UBR2: variants seen among roughly 807,000 people sequenced by gnomAD.
UBR2 encodes E3 ubiquitin-protein ligase UBR2.
In UBR2, 92 loss-of-function variants were observed where a neutral mutation model predicts 247.9. The observed-to-expected ratio is 0.37, with a 90% confidence interval of 0.31 to 0.44. The LOEUF is 0.44. UBR2 is among the 20% of genes least tolerant of loss of function. The pLI is 1.00. For missense variants in UBR2, 1,613 were observed against 2,112.6 expected (o/e 0.76, Z 4.64); for synonymous variants, 672 against 693.5 (o/e 0.97, Z 0.49).
intron 28 of UBR2, 84 bp downstream of exon 28, chr6:42,658,404 C>A: frequency 7.7e-7 from 1 of 1,296,574 alleles, no homozygotes; most frequent in Non-Finnish European, 1.1e-6. Flanking sequence ...CATTAAGTTG[C>A]CAGTTACTCA....
intron 43 of UBR2, 71 bp from the exon 44 acceptor site, chr6:42,684,723 C>T (rs1799273768): frequency 1.7e-6 from 2 of 1,173,962 alleles, no homozygotes; most frequent in East Asian, 4.9e-5. Flanking sequence ...GGTATGTGCA[C>T]ATGGAAGTGC....
At chr6:42,577,603 T>A (rs928085232) in intron 2 of UBR2, among the ~76,000 whole-genome samples, 10 of 145,964 alleles carry the variant, frequency 6.9e-5, no homozygotes, top group African/African-American at 2.5e-4. Context: ...TATTTTGACA[T>A]TTTTTATAAC....
chr6:42,676,141 A>T lies in UBR2; in HGVS notation c.4337A>T (p.His1446Leu). 1 of 1,613,760 alleles carries T rather than the reference A, an allele frequency of 6.2e-7. No homozygotes were observed. The highest frequency in any genetic ancestry group is 8.5e-7 in the Non-Finnish European group (1 of 1,179,956). The change falls in exon 39 of 47, where the codon CAT (histidine) becomes CTT (leucine). Residue 1446 changes from histidine (H) to leucine (L), a missense_variant. Around this residue, in one of 3 missense-constraint regions of UBR2, gnomAD observed 1,524 missense variants for 1,967.3 expected, o/e 0.77. Transcript: ENST00000372901. ...SLGTGDLHIF[H>L]LVTMAHIIQI... Reference sequence around the variant, plus strand: ...GGCACTGGAGACCTTCACATTTTCCATCTGGTTACTATGGCACACATCATA... The same window carrying T: ...GGCACTGGAGACCTTCACATTTTCCTTCTGGTTACTATGGCACACATCATA...
chr6:42,588,454 G>A (rs1792435176), intron 2 of UBR2, among the ~76,000 whole-genome samples: 2 of 152,314 alleles, frequency 1.3e-5, no homozygotes, highest in South Asian at 2.1e-4. Context: ...AGAATCACTT[G>A]AAGCTAGAAG....
intron 46 of UBR2, 63 bp from the exon 47 acceptor site, chr6:42,690,969 G>T: frequency 1.3e-6 from 2 of 1,583,796 alleles, no homozygotes; most frequent in Non-Finnish European, 1.7e-6. Flanking sequence ...ATCAGGAAGG[G>T]TTGGGTTATA....
chr6:42,678,743 C>G (rs1389445539), intron 41 of UBR2, 74 bp downstream of exon 41: 1 of 1,502,364 alleles, frequency 6.7e-7, no homozygotes, highest in Non-Finnish European at 9.0e-7. Flanking sequence ...AGATCACTTG[C>G]AAAAATGAAA....
At chr6:42,669,346 A>G (rs756251420) in intron 34 of UBR2, among the ~76,000 whole-genome samples, 13 of 152,196 alleles carry the variant, frequency 8.5e-5, no homozygotes, top group Non-Finnish European at 2.9e-5. Flanking sequence ...GGCGTTCAGT[A>G]AACCTATTGA....
At chr6:42,684,477 G>A (rs911157082) in intron 43 of UBR2, among the ~76,000 whole-genome samples, 4 of 151,762 alleles carry the variant, frequency 2.6e-5, no homozygotes, top group South Asian at 2.1e-4. Context: ...CCAGCTACTC[G>A]GGAGGCTGAG....
chr6:42,678,423 C>A, intron 40 of UBR2, 116 bp from the exon 41 acceptor site: 1 of 1,190,002 alleles, frequency 8.4e-7, no homozygotes, highest in South Asian at 1.7e-5. Flanking sequence ...TGTTAACTCA[C>A]AACTTTTAAG....
intron 11 of UBR2, among the ~76,000 whole-genome samples, chr6:42,619,166 T>C (rs1003138053): frequency 4.6e-5 from 7 of 151,880 alleles, no homozygotes; most frequent in Non-Finnish European, 1.0e-4. Flanking sequence ...CCTTTCATTA[T>C]TATTTTCCAA....
intron 46 of UBR2, 70 bp from the exon 47 acceptor site, chr6:42,690,962 A>G: frequency 1.3e-6 from 2 of 1,571,688 alleles, no homozygotes; most frequent in Non-Finnish European, 1.7e-6. Flanking sequence ...TGCCTAAATC[A>G]GGAAGGGTTG....
intron 15 of UBR2, among the ~76,000 whole-genome samples, chr6:42,638,510 G>A (rs901080386): frequency 1.3e-5 from 2 of 152,092 alleles, no homozygotes; most frequent in African/African-American, 4.8e-5. Context: ...ATATCAAATG[G>A]TACAATAGAC....
chr6:42,638,183 C>T (rs1278061585), intron 15 of UBR2, among the ~76,000 whole-genome samples: 1 of 152,124 alleles, frequency 6.6e-6, no homozygotes, highest in East Asian at 1.9e-4. Context: ...TTAATAGATA[C>T]GGGCCTGTTT....
At chr6:42,606,315 G>GA (rs1238742220) in intron 6 of UBR2, among the ~76,000 whole-genome samples, 1 of 151,976 alleles carries the variant, frequency 6.6e-6, no homozygotes, top group Non-Finnish European at 1.5e-5. Context: ...ATTGCCAATA[G>GA]AAAGTTTAAG....
At chr6:42,641,820 A>G in intron 17 of UBR2, 128 bp downstream of exon 17, 1 of 634,676 alleles carries the variant, frequency 1.6e-6, no homozygotes, top group East Asian at 3.4e-5. Context: ...AAGATTAATG[A>G]TAAAACAAAA....
chr6:42,597,639 C>T (rs1050632973), intron 4 of UBR2, among the ~76,000 whole-genome samples: 13 of 151,222 alleles, frequency 8.6e-5, no homozygotes, highest in Admixed American at 3.3e-4. Flanking sequence ...GTCAGCCAGG[C>T]GTGGTGGCTG....
At chr6:42,596,798 A>G (rs1260496134) in intron 4 of UBR2, among the ~76,000 whole-genome samples, 5 of 152,176 alleles carry the variant, frequency 3.3e-5, no homozygotes, top group Admixed American at 6.5e-5. Context: ...AGAGAGAAAA[A>G]ACAGATTGGT....
At chr6:42,590,979 C>T (rs888358305) in intron 2 of UBR2, among the ~76,000 whole-genome samples, 8 of 152,160 alleles carry the variant, frequency 5.3e-5, no homozygotes, top group Non-Finnish European at 8.8e-5. Context: ...AGGCCAGGTG[C>T]GGTGGCCCAT....
intron 2 of UBR2, among the ~76,000 whole-genome samples, chr6:42,585,815 A>G (rs1413903795): frequency 2.0e-5 from 3 of 152,060 alleles, no homozygotes; most frequent in Non-Finnish European, 2.9e-5. Flanking sequence ...TTTCAAATCA[A>G]TTTAATTTTG....
Sources: allele counts gnomAD v4.1 joint callset (sites outside exome capture counted in the v4.1 genomes callset), GRCh38; gene constraint gnomAD v4.1.1; regional missense constraint gnomAD v4.1.1; transcripts MANE v1.5; gene names NCBI Gene and HGNC (gene_info 2026-07-23, HGNC 2026-07-21).